Variants in CACNA2D3 observed in about 807,000 individuals in gnomAD.
CACNA2D3 encodes the protein calcium voltage-gated channel auxiliary subunit alpha2delta 3, also known as voltage-dependent calcium channel subunit alpha-2/delta-3.
A neutral mutation model predicts 160.6 loss-of-function variants in CACNA2D3; 60 were observed. The observed-to-expected ratio is 0.37, with a 90% CI of 0.30 to 0.46. The LOEUF (loss-of-function observed/expected upper bound fraction) is 0.46, where lower values mean the gene tolerates loss of function less well. Among genes scored for constraint, CACNA2D3 ranks in the 20% least tolerant of loss-of-function variants. The pLI, the probability that CACNA2D3 is intolerant of heterozygous loss-of-function variation, is 1.00. For missense variants in CACNA2D3, 1,205 were observed against 1,365.0 expected (o/e 0.88, Z 1.85); for synonymous variants, 558 against 492.9 (o/e 1.13, Z -1.75).
intron 25 of CACNA2D3, among the ~76,000 whole-genome samples, chr3:54,891,864 C>T (rs1026331894): frequency 7.2e-5 from 11 of 152,182 alleles, no homozygotes; most frequent in African/African-American, 2.4e-4. Flanking sequence ...TGTTCCAAGT[C>T]CTGTTTGTTT....
chr3:54,539,232 A>C (rs1356640513), intron 5 of CACNA2D3, among the ~76,000 whole-genome samples: 2 of 152,134 alleles, frequency 1.3e-5, no homozygotes, highest in African/African-American at 4.8e-5. Flanking sequence ...GCATAATAGG[A>C]CCTTTATCAT....
intron 9 of CACNA2D3, chr3:54,626,103 G>A: frequency 1.7e-6 from 1 of 592,352 alleles, no homozygotes; most frequent in Non-Finnish European, 3.0e-6. Context: ...GCGGACAAAA[G>A]TGGGGATGCC....
chr3:54,562,341 A>G (rs1215396389), intron 5 of CACNA2D3, among the ~76,000 whole-genome samples: 1 of 152,194 alleles, frequency 6.6e-6, no homozygotes, highest in Non-Finnish European at 1.5e-5. Context: ...CAAACTTCTA[A>G]TCAGGGACAA....
At chr3:54,763,689 G>A (rs1186273473) in intron 12 of CACNA2D3, among the ~76,000 whole-genome samples, 3 of 131,498 alleles carry the variant, frequency 2.3e-5, no homozygotes, top group Admixed American at 7.7e-5. Flanking sequence ...ATATATGTGT[G>A]TATATATGTA....
chr3:54,968,325 C>A, intron 27 of CACNA2D3, 125 bp from the exon 28 acceptor site: 1 of 663,828 alleles, frequency 1.5e-6, no homozygotes, highest in Non-Finnish European at 2.7e-6. Flanking sequence ...TTGTATGCTT[C>A]ACTGTACATT....
At chr3:54,901,234 A>G (rs1417574357) in intron 27 of CACNA2D3, 1 of 152,254 alleles carries the variant, frequency 6.6e-6, no homozygotes, top group East Asian at 1.9e-4. Context: ...AGCAGCTGTC[A>G]GTGACATGGT....
chr3:54,725,571 A>G (rs771696437), intron 11 of CACNA2D3, among the ~76,000 whole-genome samples: 3 of 152,194 alleles, frequency 2.0e-5, no homozygotes, highest in South Asian at 4.1e-4. Flanking sequence ...CACCACAATC[A>G]AGTCAGCCTC....
At chr3:54,878,911 A>G (rs1699726605) in intron 18 of CACNA2D3, 107 bp from the exon 19 acceptor site, 3 of 581,398 alleles carry the variant, frequency 5.2e-6, no homozygotes, top group Non-Finnish European at 6.0e-6. Flanking sequence ...TCTGTTTTCG[A>G]GGTGTAAGTT....
At chr3:54,513,962 C>T (rs746940362) in intron 5 of CACNA2D3, among the ~76,000 whole-genome samples, 1 of 152,204 alleles carries the variant, frequency 6.6e-6, no homozygotes, top group Non-Finnish European at 1.5e-5. Flanking sequence ...CATGAGCCAC[C>T]GCACCCAGCC....
At chr3:54,824,541 G>T (rs1703709463) in intron 14 of CACNA2D3, among the ~76,000 whole-genome samples, 1 of 152,212 alleles carries the variant, frequency 6.6e-6, no homozygotes, top group South Asian at 2.1e-4. Flanking sequence ...ACTCCTACAG[G>T]TGAGGCAAAG....
chr3:54,427,355 C>T (rs930261546), intron 4 of CACNA2D3, among the ~76,000 whole-genome samples: 1 of 152,024 alleles, frequency 6.6e-6, no homozygotes, highest in Non-Finnish European at 1.5e-5. Flanking sequence ...AGAAAATGGC[C>T]GTTCATTTGG....
intron 2 of CACNA2D3, among the ~76,000 whole-genome samples, chr3:54,147,806 CTGTT>C (rs531767582): frequency 5.1e-4 from 78 of 152,246 alleles, no homozygotes; most frequent in African/African-American, 1.0e-3. Flanking sequence ...GAAGATTTTT[CTGTT>C]TGTTTGTTTG....
intron 11 of CACNA2D3, among the ~76,000 whole-genome samples, chr3:54,741,499 C>T (rs1051402282): frequency 6.6e-6 from 1 of 151,966 alleles, no homozygotes; most frequent in African/African-American, 2.4e-5. Flanking sequence ...CAACGCCACC[C>T]TGGGAGGCTG....
chr3:54,798,740 T>C (rs1702921653), intron 13 of CACNA2D3, among the ~76,000 whole-genome samples: 1 of 152,164 alleles, frequency 6.6e-6, no homozygotes, highest in Non-Finnish European at 1.5e-5. Flanking sequence ...GATAGCAGAG[T>C]ATACCAACCC....
intron 27 of CACNA2D3, among the ~76,000 whole-genome samples, chr3:54,933,062 TTCC>T (rs1471532562): frequency 6.9e-5 from 1 of 14,538 alleles, no homozygotes; most frequent in Non-Finnish European, 1.1e-4. Context: ...CCTTCCTTCC[TTCC>T]TTCCTTCCTT....
intron 2 of CACNA2D3, among the ~76,000 whole-genome samples, chr3:54,149,920 T>TCTCTCC (rs1700110015): frequency 3.9e-5 from 3 of 77,232 alleles, no homozygotes; most frequent in African/African-American, 6.2e-5. Flanking sequence ...TCTCTCTCTC[T>TCTCTCC]CTCTCTCTCT....
chr3:54,175,975 T>C (rs542371016), intron 2 of CACNA2D3, among the ~76,000 whole-genome samples: 3 of 152,312 alleles, frequency 2.0e-5, no homozygotes, highest in East Asian at 1.9e-4. Context: ...TCCTGAGATA[T>C]GGGTTCAGTT....
chr3:54,907,329 C>T (rs769687244), intron 27 of CACNA2D3, among the ~76,000 whole-genome samples: 6 of 152,154 alleles, frequency 3.9e-5, no homozygotes, highest in Non-Finnish European at 8.8e-5. Flanking sequence ...GGTTGGATCT[C>T]TAACAGCCTC....
intron 5 of CACNA2D3, among the ~76,000 whole-genome samples, chr3:54,555,207 G>A (rs756785817): frequency 1.3e-5 from 2 of 152,114 alleles, no homozygotes; most frequent in Non-Finnish European, 2.9e-5. Context: ...CTAATGAATG[G>A]AGTAAGTAAC....
Sources: allele counts gnomAD v4.1 joint callset (sites outside exome capture counted in the v4.1 genomes callset), GRCh38; gene constraint gnomAD v4.1.1; transcripts MANE v1.5; gene names NCBI Gene and HGNC (gene_info 2026-07-23, HGNC 2026-07-21).